The following FLNB variants were observed in gnomAD, a reference collection of about 807,000 sequenced individuals.
FLNB encodes filamin B.
A neutral mutation model predicts 250.6 loss-of-function variants in FLNB; 111 were observed. That is an observed-to-expected ratio of 0.44 (90% CI 0.38 to 0.52). FLNB has a LOEUF of 0.52. FLNB is among the 20% of genes least tolerant of loss of function. The probability of loss-of-function intolerance (pLI) is 0.00; values close to 1 mark genes in which losing one functional copy is unlikely to be tolerated. For synonymous variants in FLNB, 1,302 were observed against 1,372.1 expected (o/e 0.95, Z 1.13); for missense variants, 2,869 against 3,447.8 (o/e 0.83, Z 4.20).
intron 1 of FLNB, among the ~76,000 whole-genome samples, chr3:58,015,296 T>C (rs576847233): frequency 9.2e-5 from 14 of 152,346 alleles, no homozygotes; most frequent in Non-Finnish European, 1.9e-4. Flanking sequence ...TCATTATCAC[T>C]ATGAATATTG....
chr3:58,092,784 T>G lies in FLNB; in HGVS notation c.788-2052T>G, dbSNP rs531540462. On this transcript the variant is annotated intron_variant, in intron 4 of 45. Coordinates refer to ENST00000295956, the MANE Select transcript of FLNB (RefSeq NM_001457.4). ...AGCCACTGTTTTTCCTTCTATAGTC[T>G]CACAGCTAAAGAAAAAAAACTTTTC... Among the ~76,000 whole-genome samples, 252 of 152,342 alleles carry G rather than the reference T, an allele frequency of 1.7e-3. 2 individuals are homozygous for G. The highest frequency in any genetic ancestry group is 5.8e-3 in the African/African-American group (241 of 41,576).
intron 26 of FLNB, among the ~76,000 whole-genome samples, chr3:58,133,436 GGAAAAAAAAAAAAA>G (rs2097311004): frequency 1.9e-5 from 1 of 51,444 alleles, no homozygotes; most frequent in Non-Finnish European, 2.9e-5. Flanking sequence ...TGACATCTCT[GGAAAAAAAAAAAAA>G]AAAAAAAAAA....
At chr3:58,160,805 A>G (rs573869379) in intron 42 of FLNB, among the ~76,000 whole-genome samples, 1 of 150,970 alleles carries the variant, frequency 6.6e-6, no homozygotes, top group South Asian at 2.1e-4. Context: ...ACATAGTGAG[A>G]CCCCTTCTCT....
chr3:58,059,247 C>G (rs6799323), intron 1 of FLNB, among the ~76,000 whole-genome samples: 4,219 of 152,242 alleles, frequency 0.028, 191 homozygotes, highest in African/African-American at 0.098. Flanking sequence ...ATGTGTTTTT[C>G]ATGTGTTTAT....
intron 1 of FLNB, among the ~76,000 whole-genome samples, chr3:58,028,295 G>T (rs1294084350): frequency 1.3e-5 from 2 of 152,146 alleles, no homozygotes; most frequent in African/African-American, 4.8e-5. Flanking sequence ...TACAAACGAA[G>T]ATCGAACAGG....
Position 58,008,518 on chromosome 3 carries a change from C to T in FLNB, c.-47C>T. On this transcript the variant is annotated 5_prime_UTR_variant, in exon 1 of 46. Coordinates refer to ENST00000295956, the MANE Select transcript of FLNB (RefSeq NM_001457.4). ...CCTTCGGCCCTTGGGCCTCCAAACACCAGTCCCCGGCAGCTCGTTGCGCAT... is the reference window on the plus strand; with the variant it reads ...CCTTCGGCCCTTGGGCCTCCAAACATCAGTCCCCGGCAGCTCGTTGCGCAT... 1 of 1,552,654 alleles carries T rather than the reference C, an allele frequency of 6.4e-7. No individual in the cohort carries two copies. Among genetic ancestry groups the T allele is most frequent in the Non-Finnish European group, 8.7e-7 (1 of 1,148,274 alleles).
At chr3:58,032,014 C>T (rs1214773460) in intron 1 of FLNB, among the ~76,000 whole-genome samples, 1 of 151,664 alleles carries the variant, frequency 6.6e-6, no homozygotes, top group Non-Finnish European at 1.5e-5. Flanking sequence ...CTGCAGCCTC[C>T]ACTTCCCAGG....
intron 41 of FLNB, 80 bp downstream of exon 41, chr3:58,156,155 C>G (rs950487465): frequency 2.8e-6 from 3 of 1,052,818 alleles, no homozygotes; most frequent in African/African-American, 3.1e-5. Context: ...GCTTCAATGT[C>G]CCCTTAGGTG....
chr3:58,063,363 G>A (rs746205413), intron 1 of FLNB, among the ~76,000 whole-genome samples: 1 of 152,204 alleles, frequency 6.6e-6, no homozygotes, highest in African/African-American at 2.4e-5. Context: ...GGCTGAGAGA[G>A]TTTGCAGAGA....
chr3:58,078,371 T>C (rs2097204523), intron 2 of FLNB: 4 of 1,502,614 alleles, frequency 2.7e-6, no homozygotes, highest in East Asian at 2.5e-5. Flanking sequence ...TTTTTAGATA[T>C]ATCCAGGAAT....
intron 1 of FLNB, among the ~76,000 whole-genome samples, chr3:58,038,014 A>ATTGTTTGT (rs367976181): frequency 2.0e-5 from 3 of 151,986 alleles, no homozygotes; most frequent in African/African-American, 4.8e-5. Flanking sequence ...GCCTGTTCTT[A>ATTGTTTGT]TTGTTTGTTT....
chr3:58,082,211 T>TA (rs889049002), intron 4 of FLNB, among the ~76,000 whole-genome samples: 2 of 152,188 alleles, frequency 1.3e-5, no homozygotes, highest in African/African-American at 4.8e-5. Context: ...CCCTGGCAGA[T>TA]ACTTCCTTGC....
intron 1 of FLNB, among the ~76,000 whole-genome samples, chr3:58,017,472 C>T (rs751996909): frequency 2.0e-5 from 3 of 152,118 alleles, no homozygotes; most frequent in East Asian, 3.9e-4. Context: ...AGGCTGGTCT[C>T]GAACTCCCGA....
chr3:58,096,182 T>C lies in FLNB; in HGVS notation c.948T>C (p.Ser316=). Residue 316 remains serine, a synonymous_variant, in exon 6 of 46, where the codon TCT becomes TCC. Coordinates refer to ENST00000295956, the MANE Select transcript of FLNB (RefSeq NM_001457.4). Reference sequence around the variant, plus strand: ...ACAGTGACAAGAACAAGACATACTCTGTGGAGTATCTGCCCAAGGTCACCG... The same window carrying C: ...ACAGTGACAAGAACAAGACATACTCCGTGGAGTATCTGCCCAAGGTCACCG... ...TPDSDKNKTY[S]VEYLPKVTGL... The C allele has an allele frequency of 6.2e-7, 1 of 1,613,996 alleles. No individual in the cohort carries two copies. The highest frequency in any genetic ancestry group is 8.5e-7 in the Non-Finnish European group (1 of 1,179,900).
intron 1 of FLNB, among the ~76,000 whole-genome samples, chr3:58,059,691 C>A (rs1456908821): frequency 5.9e-5 from 9 of 152,198 alleles, no homozygotes; most frequent in Non-Finnish European, 1.3e-4. Context: ...AGCAGCAAAG[C>A]CGATCTGCTG....
chr3:58,125,792 G>C, intron 23 of FLNB, 49 bp downstream of exon 23: 1 of 1,559,446 alleles, frequency 6.4e-7, no homozygotes, highest in Middle Eastern at 1.9e-4. Context: ...TTTGTGGCTA[G>C]ATTCTACCTA....
intron 27 of FLNB, 40 bp downstream of exon 27, chr3:58,134,812 A>C: frequency 1.3e-6 from 2 of 1,584,910 alleles, no homozygotes; most frequent in South Asian, 2.2e-5. Context: ...CTTAATCCTA[A>C]GACTTAATTT....
Position 58,095,229 on chromosome 3 carries a change from G to GTATTTATTTATT in FLNB, c.906+292_906+303dup, listed in dbSNP as rs1553694995. ...GCCTTGTCAGTTGAGGTTTATGTAT[G>GTATTTATTTATT]TATTTATTTATTTATTTATTTATTT... is the stretch of plus-strand genomic sequence containing the variant. On this transcript the variant is annotated intron_variant, in intron 5 of 45. Coordinates refer to ENST00000295956, the MANE Select transcript of FLNB (RefSeq NM_001457.4). 0.011 allele frequency among the ~76,000 whole-genome samples: 1,657 copies of GTATTTATTTATT among 147,778 alleles called. 25 individuals carry two copies. Among genetic ancestry groups the GTATTTATTTATT allele is most frequent in the East Asian group, 0.026 (129 of 4,890 alleles).
chr3:58,100,589 C>CTTTTTTTTTTTTTTTTTTTTTTT (rs147921421), intron 8 of FLNB, among the ~76,000 whole-genome samples: 83 of 124,946 alleles, frequency 6.6e-4, no homozygotes, highest in East Asian at 1.5e-3. Context: ...TTTTCTTTTT[C>CTTTTTTTTTTTTTTTTTTTTTTT]TTTTTTTTTT....
Sources: gnomAD v4.1 joint callset for allele counts (sites outside exome capture counted in the v4.1 genomes callset) on GRCh38, gnomAD v4.1.1 for gene constraint, MANE v1.5 for transcripts, NCBI Gene and HGNC (gene_info 2026-07-23, HGNC 2026-07-21) for gene names.